The following PRKCB variants were observed in gnomAD, a reference collection of about 807,000 sequenced individuals.
PRKCB encodes protein kinase C beta.
PRKCB carries 13 observed loss-of-function variants against 81.5 expected under a neutral mutation model. The observed-to-expected ratio is 0.16, with a 90% confidence interval of 0.10 to 0.25. The LOEUF (loss-of-function observed/expected upper bound fraction) is 0.25. Ranked by LOEUF, PRKCB falls within the 10% of genes least tolerant of loss-of-function variation. The pLI is 1.00. For synonymous variants in PRKCB, 335 were observed against 321.4 expected (o/e 1.04, Z -0.45); for missense variants, 509 against 875.7 (o/e 0.58, Z 5.29).
chr16:24,209,411 C>G (rs1398031521), intron 16 of PRKCB, among the ~76,000 whole-genome samples: 1 of 152,158 alleles, frequency 6.6e-6, no homozygotes, highest in Non-Finnish European at 1.5e-5. Context: ...CCTCTGCAAT[C>G]CCCACACTGC....
At chr16:23,987,461 A>G (rs1964817477) in intron 2 of PRKCB, among the ~76,000 whole-genome samples, 1 of 151,680 alleles carries the variant, frequency 6.6e-6, no homozygotes, top group East Asian at 1.9e-4. Context: ...TTCCTCTGTC[A>G]CTTGTATTTT....
chr16:23,942,482 A>G (rs1964151617), intron 2 of PRKCB, among the ~76,000 whole-genome samples: 2 of 152,328 alleles, frequency 1.3e-5, no homozygotes, highest in South Asian at 4.1e-4. Context: ...AGTTTGAGAA[A>G]TGGCTTGATG....
intron 16 of PRKCB, among the ~76,000 whole-genome samples, chr16:24,213,052 T>A (rs1162307423): frequency 7.2e-6 from 1 of 139,152 alleles, no homozygotes; most frequent in African/African-American, 2.7e-5. Flanking sequence ...TTATTTATTT[T>A]GAGAGAGAGT....
chr16:24,139,724 C>T (rs949218517), intron 9 of PRKCB, among the ~76,000 whole-genome samples: 3 of 152,336 alleles, frequency 2.0e-5, no homozygotes, highest in Admixed American at 6.5e-5. Context: ...ATTAGCTTAT[C>T]TATCACACAG....
intron 3 of PRKCB, among the ~76,000 whole-genome samples, chr16:23,996,419 G>A (rs756875935): frequency 6.6e-6 from 1 of 152,150 alleles, no homozygotes; most frequent in South Asian, 2.1e-4. Context: ...TATGGCCACC[G>A]CTGAGTGCTC....
At chr16:23,869,987 A>C (rs113239278) in intron 2 of PRKCB, among the ~76,000 whole-genome samples, 3 of 150,850 alleles carry the variant, frequency 2.0e-5, no homozygotes, top group East Asian at 3.9e-4. Flanking sequence ...GCGCCATTGC[A>C]CTCTAGCCTG....
At chr16:24,137,541 T>C (rs1035183270) in intron 9 of PRKCB, among the ~76,000 whole-genome samples, 1 of 152,186 alleles carries the variant, frequency 6.6e-6, no homozygotes, top group Non-Finnish European at 1.5e-5. Context: ...ATCGCAAAGA[T>C]AAATCAAGTC....
chr16:24,046,688 C>T (rs2141866302), intron 5 of PRKCB, among the ~76,000 whole-genome samples: 1 of 152,120 alleles, frequency 6.6e-6, no homozygotes, highest in East Asian at 1.9e-4. Context: ...GTGACTGGAG[C>T]CTCGGGATGG....
At chr16:24,059,896 C>T (rs779598966) in intron 5 of PRKCB, among the ~76,000 whole-genome samples, 1 of 152,006 alleles carries the variant, frequency 6.6e-6, no homozygotes, top group Non-Finnish European at 1.5e-5. Flanking sequence ...CTTTCAGTGG[C>T]ATAGTAGGAG....
rs1273850298 is a variant in PRKCB at position 24,096,686 on chromosome 16, T to A, written c.821+2389T>A. Among the ~76,000 whole-genome samples the A allele has an allele frequency of 3.8e-3, 503 of 131,890 alleles. 12 individuals are homozygous for A. Among genetic ancestry groups the A allele is most frequent in the African/African-American group, 9.1e-3 (317 of 34,902 alleles). The allele number at this position is 131,890 out of a possible 152,430, so 86.5% of individuals were successfully genotyped here. ...AAAAAAATATATATATATATATATA[T>A]ATATATATATATATATATATCCTCC... On this transcript the variant is annotated intron_variant, in intron 7 of 16. Transcript: ENST00000643927.
chr16:24,175,406 A>C (rs932548491), intron 12 of PRKCB, among the ~76,000 whole-genome samples: 35 of 149,624 alleles, frequency 2.3e-4, no homozygotes, highest in African/African-American at 7.0e-4. Flanking sequence ...GGTGGTGGGC[A>C]TACAGAAGTG....
chr16:23,917,987 A>G (rs1963767482), intron 2 of PRKCB, among the ~76,000 whole-genome samples: 1 of 152,228 alleles, frequency 6.6e-6, no homozygotes, highest in African/African-American at 2.4e-5. Context: ...AATATTTTGC[A>G]TATGTCAAGG....
intron 2 of PRKCB, among the ~76,000 whole-genome samples, chr16:23,903,568 C>T (rs1312353651): frequency 6.6e-6 from 1 of 152,102 alleles, no homozygotes; most frequent in African/African-American, 2.4e-5. Flanking sequence ...TTTCAGATAG[C>T]TGGGAGGGAA....
intron 8 of PRKCB, among the ~76,000 whole-genome samples, chr16:24,123,310 G>A (rs1423357059): frequency 6.6e-6 from 1 of 152,198 alleles, no homozygotes; most frequent in East Asian, 1.9e-4. Context: ...GGGAGTGAAA[G>A]GAGAATGAAG....
At chr16:23,989,840 C>T (rs182944974) in intron 3 of PRKCB, among the ~76,000 whole-genome samples, 101 of 152,236 alleles carry the variant, frequency 6.6e-4, no homozygotes, top group Non-Finnish European at 1.3e-3. Flanking sequence ...TTGCTTTTCC[C>T]GGCTCTCTTG....
Position 23,869,358 on chromosome 16 carries a change from A to T in PRKCB, c.205+31952A>T, listed in dbSNP as rs1041641828. Reference sequence around the variant, plus strand: ...TGCAGTGACACGTAGCACGAGTAAGAGCTAAACTTCGAATATTGTAAGTCA... The same window carrying T: ...TGCAGTGACACGTAGCACGAGTAAGTGCTAAACTTCGAATATTGTAAGTCA... On this transcript the variant is annotated intron_variant, in intron 2 of 16. Transcript: ENST00000643927. 56 of 272,748 alleles carry T rather than the reference A, an allele frequency of 2.1e-4. 1 individual carries two copies. The highest frequency in any genetic ancestry group is 3.6e-4 in the Non-Finnish European group (49 of 134,346). The allele number at this position is 272,748 out of a possible 1,614,324, so 16.9% of individuals were successfully genotyped here.
chr16:23,923,023 G>A (rs898582668), intron 2 of PRKCB, among the ~76,000 whole-genome samples: 4 of 152,048 alleles, frequency 2.6e-5, no homozygotes, highest in African/African-American at 9.7e-5. Context: ...AATGCTAAAT[G>A]TAGTTAGCTA....
intron 7 of PRKCB, among the ~76,000 whole-genome samples, chr16:24,108,559 C>G (rs1263365766): frequency 3.0e-4 from 43 of 144,406 alleles, no homozygotes; most frequent in African/African-American, 1.0e-3. Context: ...TGACTCTTAA[C>G]GAGCATGCTG....
chr16:24,000,759 T>C (rs564556341), intron 3 of PRKCB, among the ~76,000 whole-genome samples: 49 of 152,304 alleles, frequency 3.2e-4, no homozygotes, highest in Non-Finnish European at 6.0e-4. Flanking sequence ...ACCCAGAGCA[T>C]GCCCTTATGA....
Sources: gnomAD v4.1 joint callset for allele counts (sites outside exome capture counted in the v4.1 genomes callset) on GRCh38, gnomAD v4.1.1 for gene constraint, MANE v1.5 for transcripts, NCBI Gene and HGNC (gene_info 2026-07-23, HGNC 2026-07-21) for gene names.